Variants in RSRC1 observed in about 807,000 individuals in gnomAD.
RSRC1 encodes the protein arginine and serine rich coiled-coil 1.
In RSRC1, 39 loss-of-function variants were observed where a neutral mutation model predicts 49.1. That is an observed-to-expected ratio of 0.79 (90% CI 0.61 to 1.04). The LOEUF (loss-of-function observed/expected upper bound fraction) is 1.04. RSRC1 is among the 50% of genes least tolerant of loss of function. RSRC1 has a pLI of 0.00. For missense variants in RSRC1, 388 were observed against 402.4 expected (o/e 0.96, Z 0.31); for synonymous variants, 143 against 130.8 (o/e 1.09, Z -0.63).
At chr3:158,225,900 T>C (rs916837833) in intron 4 of RSRC1, among the ~76,000 whole-genome samples, 2 of 151,866 alleles carry the variant, frequency 1.3e-5, no homozygotes, top group African/African-American at 4.8e-5. Flanking sequence ...ATAACAGATA[T>C]TAAGTAATAG....
intron 4 of RSRC1, among the ~76,000 whole-genome samples, chr3:158,237,919 A>G (rs1218568080): frequency 6.6e-6 from 1 of 152,164 alleles, no homozygotes. Context: ...CTCATTCAGT[A>G]TGATATTGGC....
At chr3:158,217,329 C>A (rs924273626) in intron 4 of RSRC1, among the ~76,000 whole-genome samples, 37 of 151,630 alleles carry the variant, frequency 2.4e-4, no homozygotes, top group Non-Finnish European at 4.7e-4. Flanking sequence ...GTTGGCTCTT[C>A]TGCTCACTTG....
chr3:158,322,352 C>A (rs1470069897), intron 5 of RSRC1, among the ~76,000 whole-genome samples: 2 of 152,180 alleles, frequency 1.3e-5, no homozygotes, highest in Non-Finnish European at 2.9e-5. Context: ...CTGCCTTGGC[C>A]TCCCAAAGGG....
chr3:158,433,475 C>T (rs995843056), intron 6 of RSRC1, among the ~76,000 whole-genome samples: 8 of 151,896 alleles, frequency 5.3e-5, no homozygotes, highest in Non-Finnish European at 1.2e-4. Flanking sequence ...GGATATATTT[C>T]GTTGGTACAC....
rs1730056244 is a variant in RSRC1, at chr3:158,338,699, TA to T, written c.532-16153del. Among the ~76,000 whole-genome samples the T allele has an allele frequency of 1.3e-5, 2 of 152,202 alleles. 1 individual carries two copies. Among genetic ancestry groups the T allele is most frequent in the South Asian group, 4.1e-4 (2 of 4,834 alleles). The stretch of plus-strand genomic sequence containing the variant: ...ACTCTGCATAGTCTTTTCTGGCAAT[TA>T]AAAATGATTAGATTTATCTTTTTTC... On this transcript the variant is annotated intron_variant, in intron 5 of 9. Transcript: ENST00000611884.
At chr3:158,326,647 G>T (rs1484437078) in intron 5 of RSRC1, among the ~76,000 whole-genome samples, 1 of 152,066 alleles carries the variant, frequency 6.6e-6, no homozygotes, top group African/African-American at 2.4e-5. Flanking sequence ...TTTTATTGAG[G>T]ATTGTTGCAT....
chr3:158,208,803 A>G (rs1721495173), intron 4 of RSRC1, among the ~76,000 whole-genome samples: 1 of 152,210 alleles, frequency 6.6e-6, no homozygotes, highest in South Asian at 2.1e-4. Context: ...GTCAACAATC[A>G]GAAATAGGAA....
chr3:158,228,038 T>C (rs1722623682), intron 4 of RSRC1, among the ~76,000 whole-genome samples: 1 of 151,946 alleles, frequency 6.6e-6, no homozygotes, highest in Non-Finnish European at 1.5e-5. Context: ...TTATCATACT[T>C]CCCCAACATA....
At chr3:158,345,205 C>T (rs563695034) in intron 5 of RSRC1, among the ~76,000 whole-genome samples, 89 of 149,502 alleles carry the variant, frequency 6.0e-4, no homozygotes, top group African/African-American at 2.0e-3. Context: ...CCAGTGTGGG[C>T]GACAGAGCAA....
intron 3 of RSRC1, among the ~76,000 whole-genome samples, chr3:158,142,045 C>T (rs1179252612): frequency 1.3e-5 from 2 of 152,098 alleles, no homozygotes; most frequent in Admixed American, 6.5e-5. Flanking sequence ...TTGCAGTGAG[C>T]CAAGAGTGTG....
chr3:158,537,054 T>A, intron 7 of RSRC1, 38 bp from the exon 8 acceptor site: 6 of 1,377,466 alleles, frequency 4.4e-6, no homozygotes, highest in Non-Finnish European at 6.2e-6. Context: ...TTAACATGCT[T>A]ACACCAAAAT....
chr3:158,316,438 A>ATTTTTTTTCTTTTTTTTTTTTTTTTTT (rs1728453374), intron 5 of RSRC1, among the ~76,000 whole-genome samples: 1 of 72,220 alleles, frequency 1.4e-5, no homozygotes, highest in Non-Finnish European at 2.4e-5. Context: ...AGAATCTCTC[A>ATTTTTTTTCTTTTTTTTTTTTTTTTTT]TTTTTTTTTT....
chr3:158,259,755 CTG>C (rs886605771), intron 4 of RSRC1, among the ~76,000 whole-genome samples: 12 of 152,154 alleles, frequency 7.9e-5, no homozygotes, highest in African/African-American at 2.7e-4. Context: ...ACTTAGTTCT[CTG>C]TTCTAGTGCA....
At chr3:158,257,106 T>G (rs1724610377) in intron 4 of RSRC1, among the ~76,000 whole-genome samples, 1 of 152,172 alleles carries the variant, frequency 6.6e-6, no homozygotes, top group Non-Finnish European at 1.5e-5. Flanking sequence ...ATTTCTTGCC[T>G]TCTGCTAGCT....
At chr3:158,114,897 T>C (rs1249827252) in intron 1 of RSRC1, among the ~76,000 whole-genome samples, 1 of 152,218 alleles carries the variant, frequency 6.6e-6, no homozygotes. Context: ...AATAAGCTTT[T>C]GAGCTGAGAT....
chr3:158,137,876 A>T (rs905082164), intron 3 of RSRC1, among the ~76,000 whole-genome samples: 3 of 151,910 alleles, frequency 2.0e-5, no homozygotes, highest in Non-Finnish European at 4.4e-5. Flanking sequence ...CTGGTCTCGA[A>T]TTCCTGACCT....
intron 4 of RSRC1, among the ~76,000 whole-genome samples, chr3:158,208,078 C>G (rs867807163): frequency 1.3e-5 from 2 of 152,048 alleles, no homozygotes; most frequent in Non-Finnish European, 2.9e-5. Context: ...CCTTATAACA[C>G]TGTGTGAATG....
intron 5 of RSRC1, among the ~76,000 whole-genome samples, chr3:158,313,395 T>A (rs540080522): frequency 6.6e-6 from 1 of 152,348 alleles, no homozygotes; most frequent in East Asian, 1.9e-4. Context: ...CATAGATTTT[T>A]AAATATTTAT....
chr3:158,170,917 C>T (rs1294873914), intron 3 of RSRC1, among the ~76,000 whole-genome samples: 2 of 152,108 alleles, frequency 1.3e-5, no homozygotes, highest in African/African-American at 2.4e-5. Flanking sequence ...AAGAACCACC[C>T]CAGTCATGTG....
Sources: gnomAD v4.1 joint callset for allele counts (sites outside exome capture counted in the v4.1 genomes callset) on GRCh38, gnomAD v4.1.1 for gene constraint, MANE v1.5 for transcripts, NCBI Gene and HGNC (gene_info 2026-07-23, HGNC 2026-07-21) for gene names.